Variants in GDA observed in about 807,000 individuals in gnomAD.
GDA encodes the protein guanine deaminase.
In GDA, 18 loss-of-function variants were observed where a neutral mutation model predicts 59.6. That is an observed-to-expected ratio of 0.30 (90% CI 0.21 to 0.45). GDA has a LOEUF of 0.45. GDA is among the 20% of genes least tolerant of loss of function. The pLI, the probability that GDA is intolerant of heterozygous loss-of-function variation, is 1.00. For synonymous variants in GDA, 201 were observed against 201.1 expected (o/e 1.00, Z 0.00); for missense variants, 427 against 552.3 (o/e 0.77, Z 2.27).
In GDA at chr9:72,250,293, T is replaced by A. The variant is rs566229709; in HGVS notation, c.*1951T>A. 9.9e-7 allele frequency: 1 copy of A among 1,006,808 alleles called. No homozygotes were observed. Among genetic ancestry groups the A allele is most frequent in the Non-Finnish European group, 1.2e-6 (1 of 844,058 alleles). The allele number at this position is 1,006,808 out of a possible 1,614,324, so 62.4% of individuals were successfully genotyped here. A position where few individuals can be genotyped will look rare whatever the true frequency, so the allele number is the denominator to read the frequency against. On this transcript the variant is annotated 3_prime_UTR_variant, in exon 14 of 14. Coordinates refer to ENST00000358399, the MANE Select transcript of GDA (RefSeq NM_004293.5). ...TAGCATTTGCAAGATCCTACACTTT[T>A]ACCTTCTTTAAGGGTGTACATTTTG... is the stretch of plus-strand genomic sequence containing the variant.
chr9:72,150,643 A>C (rs1390276713), intron 1 of GDA, among the ~76,000 whole-genome samples: 1 of 152,234 alleles, frequency 6.6e-6, no homozygotes, highest in Non-Finnish European at 1.5e-5. Flanking sequence ...TTTGGTTAGC[A>C]AAAGTACACA....
chr9:72,144,497 C>T (rs1683409960), upstream of GDA, among the ~76,000 whole-genome samples: 1 of 152,162 alleles, frequency 6.6e-6, no homozygotes. Flanking sequence ...AAGACAATAT[C>T]TGTTTCATAC....
chr9:72,148,312 TG>T (rs1826773891), upstream of GDA, among the ~76,000 whole-genome samples: 2 of 476 alleles, frequency 4.2e-3, no homozygotes, highest in Non-Finnish European at 0.018. Flanking sequence ...TGTGTGTATG[TG>T]TGTGTGTGTG....
In GDA at chr9:72,149,800, G is replaced by A. The variant is rs1826927396; in HGVS notation, c.123+118G>A. The A allele has an allele frequency of 1.2e-5, 13 of 1,069,436 alleles. No homozygotes were observed. The South Asian group carries it at 2.3e-4, about 19-fold the overall frequency. 66.2% of individuals were successfully genotyped at this position (1,069,436 alleles called of 1,614,324 possible). On this transcript the variant is annotated intron_variant, in intron 1 of 13. Transcript: ENST00000358399. Reference sequence around the variant, plus strand: ...GGTGCGCAGTGAGCGCCGCGGCTCCGGAGTTGAACTTGAGTCTTTGGCTCT... The same window carrying A: ...GGTGCGCAGTGAGCGCCGCGGCTCCAGAGTTGAACTTGAGTCTTTGGCTCT...
At chr9:72,135,186 A>G (rs1376319007) in intron 1 of GDA, among the ~76,000 whole-genome samples, 3 of 152,002 alleles carry the variant, frequency 2.0e-5, no homozygotes, top group Admixed American at 6.6e-5. Flanking sequence ...CCAAAGATGA[A>G]TTAAAGTATG....
At chr9:72,243,528 G>A (rs987162220) in intron 11 of GDA, among the ~76,000 whole-genome samples, 1 of 152,222 alleles carries the variant, frequency 6.6e-6, no homozygotes, top group African/African-American at 2.4e-5. Context: ...AATCAGTGAA[G>A]GAGGAGAGAA....
At chr9:72,229,171 T>TAAAAAAAAAAA (rs34554102) in intron 9 of GDA, 19 of 42,130 alleles carry the variant, frequency 4.5e-4, no homozygotes, top group African/African-American at 1.8e-3. Context: ...CAGTCTCTAC[T>TAAAAAAAAAAA]AAAAAAAAAA....
At chr9:72,187,431 A>G (rs754871652) in intron 1 of GDA, among the ~76,000 whole-genome samples, 17 of 152,194 alleles carry the variant, frequency 1.1e-4, no homozygotes, top group Non-Finnish European at 1.9e-4. Context: ...TTTCTGCTGT[A>G]TGATGACTCT....
intron 1 of GDA, among the ~76,000 whole-genome samples, chr9:72,180,461 T>C (rs1831052085): frequency 6.6e-6 from 1 of 152,234 alleles, no homozygotes. Context: ...TGATACAGTC[T>C]ATTGAGATCA....
chr9:72,185,002 GGAA>G (rs1387960837), intron 1 of GDA, among the ~76,000 whole-genome samples: 1 of 151,908 alleles, frequency 6.6e-6, no homozygotes, highest in East Asian at 1.9e-4. Context: ...AAGAAGAAGA[GGAA>G]GAAGAAGAAG....
At chr9:72,206,146 A>G (rs1433906951) in intron 3 of GDA, among the ~76,000 whole-genome samples, 2 of 152,158 alleles carry the variant, frequency 1.3e-5, no homozygotes. Context: ...GTTAATTTTT[A>G]TGATTATTCT....
chr9:72,228,174 A>G, intron 9 of GDA, 134 bp downstream of exon 9: 1 of 645,140 alleles, frequency 1.6e-6, no homozygotes. Flanking sequence ...AGATAGATAG[A>G]CATTTACTCG....
chr9:72,224,700 G>A lies in GDA; in HGVS notation c.715-977G>A, dbSNP rs193080495. On this transcript the variant is annotated intron_variant, in intron 7 of 13. Transcript: ENST00000358399. Reference sequence around the variant, plus strand: ...CCAGAGTCTCAATCCTGCTGCATCCGGAGGGGCAGTGCTTTTATGCCTTCT... The same window carrying A: ...CCAGAGTCTCAATCCTGCTGCATCCAGAGGGGCAGTGCTTTTATGCCTTCT... 1.2e-4 allele frequency among the ~76,000 whole-genome samples: 18 copies of A among 151,928 alleles called. No homozygotes were observed. In the South Asian group the frequency reaches 1.9e-3, roughly 16 times the overall value.
chr9:72,245,091 CATT>C, intron 11 of GDA, 54 bp from the exon 12 acceptor site: 3 of 1,558,656 alleles, frequency 1.9e-6, no homozygotes, highest in Non-Finnish European at 2.6e-6. Context: ...CAAACTGAGA[CATT>C]AGTGTGGTCT....
chr9:72,190,883 C>T (rs1194712803), intron 1 of GDA, among the ~76,000 whole-genome samples: 3 of 151,718 alleles, frequency 2.0e-5, no homozygotes, highest in Non-Finnish European at 2.9e-5. Context: ...TTTTTTCATC[C>T]AGTTTGATAA....
chr9:72,188,379 A>G (rs367955049), intron 1 of GDA, among the ~76,000 whole-genome samples: 5 of 152,184 alleles, frequency 3.3e-5, no homozygotes, highest in Non-Finnish European at 5.9e-5. Context: ...CCGACCTCAC[A>G]TCTCTGCTTC....
chr9:72,148,567 T>C (rs963191442), upstream of GDA, among the ~76,000 whole-genome samples: 7 of 151,774 alleles, frequency 4.6e-5, no homozygotes, highest in African/African-American at 1.5e-4. Flanking sequence ...ACAAGAGGGA[T>C]TAGGGGCAGA....
intron 11 of GDA, among the ~76,000 whole-genome samples, chr9:72,244,038 G>A (rs907409294): frequency 4.6e-5 from 7 of 152,066 alleles, no homozygotes; most frequent in Non-Finnish European, 5.9e-5. Context: ...TTAGCCGGGC[G>A]TGGTGGTGGG....
intron 1 of GDA, among the ~76,000 whole-genome samples, chr9:72,160,035 C>T (rs1016938668): frequency 3.3e-5 from 5 of 152,114 alleles, no homozygotes; most frequent in African/African-American, 9.7e-5. Flanking sequence ...CGCGGTGGCT[C>T]ATGCCTATAA....
Sources: gnomAD v4.1 joint callset for allele counts (sites outside exome capture counted in the v4.1 genomes callset) on GRCh38, gnomAD v4.1.1 for gene constraint, MANE v1.5 for transcripts, NCBI Gene and HGNC (gene_info 2026-07-23, HGNC 2026-07-21) for gene names.